SUPT3H: variants seen among roughly 807,000 people sequenced by gnomAD.
SUPT3H encodes SPT3 homolog, SAGA and STAGA complex component.
A neutral mutation model predicts 44.3 loss-of-function variants in SUPT3H; 44 were observed. The ratio of observed to expected loss-of-function variants is 0.99; its 90% CI spans 0.78 to 1.28. The LOEUF is 1.28. Ranked by LOEUF, SUPT3H falls within the 50% of genes most tolerant of loss-of-function variation. SUPT3H has a pLI of 0.00. For missense variants in SUPT3H, 380 were observed against 387.1 expected, an observed-to-expected ratio of 0.98 and a Z score of 0.15; for synonymous variants, 124 against 125.6, an observed-to-expected ratio of 0.99 and a Z score of 0.09.
chr6:44,954,366 T>C (rs1162394407), intron 8 of SUPT3H, 129 bp downstream of exon 8: 33 of 738,286 alleles, frequency 4.5e-5, no homozygotes, highest in Non-Finnish European at 2.4e-6. Flanking sequence ...GAAAATGATG[T>C]AAATGCCACA....
intron 2 of SUPT3H, among the ~76,000 whole-genome samples, chr6:45,132,507 C>T (rs929524530): frequency 2.6e-5 from 4 of 152,080 alleles, no homozygotes; most frequent in Non-Finnish European, 5.9e-5. Flanking sequence ...TATCTTTGAC[C>T]ACTAGACCTT....
chr6:45,264,082 TGTG>T (rs1186302627), intron 2 of SUPT3H, among the ~76,000 whole-genome samples: 2 of 152,178 alleles, frequency 1.3e-5, no homozygotes, highest in African/African-American at 4.8e-5. Flanking sequence ...AGTCAAACAT[TGTG>T]GTGGTACACC....
At chr6:45,053,743 A>G (rs1286473578) in intron 3 of SUPT3H, among the ~76,000 whole-genome samples, 1 of 139,966 alleles carries the variant, frequency 7.1e-6, no homozygotes, top group Admixed American at 7.0e-5. Context: ...AAAAATACAA[A>G]AAAAAAAAAA....
At chr6:44,969,077 G>T (rs1009517517) in intron 6 of SUPT3H, among the ~76,000 whole-genome samples, 7 of 152,128 alleles carry the variant, frequency 4.6e-5, no homozygotes, top group African/African-American at 1.7e-4. Context: ...CCTCTGGGAA[G>T]TTTGTCCAGT....
intron 2 of SUPT3H, among the ~76,000 whole-genome samples, chr6:45,205,904 C>T (rs13220256): frequency 2.0e-5 from 3 of 152,100 alleles, no homozygotes; most frequent in Non-Finnish European, 4.4e-5. Flanking sequence ...CAGCTCACTG[C>T]CTTTTTCTTA....
At chr6:45,099,953 C>G (rs1367864976) in intron 3 of SUPT3H, among the ~76,000 whole-genome samples, 2 of 152,140 alleles carry the variant, frequency 1.3e-5, no homozygotes, top group East Asian at 3.9e-4. Context: ...TCCCACATAT[C>G]AGAACAAAGA....
intron 2 of SUPT3H, among the ~76,000 whole-genome samples, chr6:45,142,874 C>T (rs574595719): frequency 1.3e-5 from 2 of 150,052 alleles, no homozygotes; most frequent in South Asian, 2.1e-4. Flanking sequence ...AGATATTTCA[C>T]GCAAATGGAA....
intron 2 of SUPT3H, among the ~76,000 whole-genome samples, chr6:45,319,530 CT>C (rs1317700969): frequency 3.9e-5 from 6 of 152,066 alleles, no homozygotes; most frequent in Admixed American, 6.6e-5. Flanking sequence ...GGCTAAAGAT[CT>C]GAAATTCAGA....
chr6:45,032,099 T>C (rs538218276), intron 3 of SUPT3H, among the ~76,000 whole-genome samples: 50 of 152,330 alleles, frequency 3.3e-4, no homozygotes, highest in African/African-American at 9.6e-4. Context: ...TTTCATCATA[T>C]GATGAACAGA....
intron 2 of SUPT3H, among the ~76,000 whole-genome samples, chr6:45,237,483 C>T (rs1293946936): frequency 1.3e-5 from 2 of 152,128 alleles, no homozygotes; most frequent in Non-Finnish European, 1.5e-5. Context: ...AGCAATTGTA[C>T]AGCCCTCAAA....
chr6:45,196,949 T>C (rs1336967829), intron 2 of SUPT3H, among the ~76,000 whole-genome samples: 3 of 151,610 alleles, frequency 2.0e-5, no homozygotes, highest in Non-Finnish European at 4.4e-5. Context: ...TTACCATCTC[T>C]TCCTTGGTAA....
At chr6:45,073,775 C>T (rs1033519815) in intron 3 of SUPT3H, among the ~76,000 whole-genome samples, 1 of 151,906 alleles carries the variant, frequency 6.6e-6, no homozygotes, top group Admixed American at 6.6e-5. Context: ...TCTTTACTAT[C>T]AGCTATGAAA....
At chr6:44,959,902 T>C (rs1164749917) in intron 7 of SUPT3H, among the ~76,000 whole-genome samples, 1 of 152,166 alleles carries the variant, frequency 6.6e-6, no homozygotes, top group Non-Finnish European at 1.5e-5. Flanking sequence ...AGTGCAGGAA[T>C]AGCTTCTGAA....
rs951894354 is a variant in SUPT3H at position 45,359,561 on chromosome 6, TAAATATTC to T, written c.101+5632_101+5639del. On this transcript the variant is annotated intron_variant, in intron 2 of 10. Transcript: ENST00000371459. The stretch of plus-strand genomic sequence containing the variant: ...AAAACACAAAAGTAGGATAGACATT[TAAATATTC>T]AAATAATATGGCCACATTTGTATCC... 5.6e-4 allele frequency among the ~76,000 whole-genome samples: 85 copies of T among 152,298 alleles called. No homozygotes were observed. In the Middle Eastern group the frequency reaches 0.01, roughly 18 times the overall value.
intron 10 of SUPT3H, among the ~76,000 whole-genome samples, chr6:44,891,121 A>G (rs1763249068): frequency 6.6e-6 from 1 of 152,162 alleles, no homozygotes; most frequent in Admixed American, 6.6e-5. Context: ...CAGAACTTAA[A>G]GTATAATAAT....
intron 2 of SUPT3H, among the ~76,000 whole-genome samples, chr6:45,281,190 G>A (rs552662476): frequency 1.3e-5 from 2 of 152,206 alleles, no homozygotes; most frequent in Non-Finnish European, 2.9e-5. Context: ...GGTGATTTCT[G>A]CATTTCCAAC....
rs1307151763 is a variant in SUPT3H, at chr6:45,177,825, C to G, written c.102-71819G>C. ...TTTCATATCCAGCCAAAGTAAGCTTCATAAGTGAAGGAGAAATAAAATCCT... is the reference window on the plus strand; with the variant it reads ...TTTCATATCCAGCCAAAGTAAGCTTGATAAGTGAAGGAGAAATAAAATCCT... On this transcript the variant is annotated intron_variant, in intron 2 of 10. Transcript: ENST00000371459. 2.0e-5 allele frequency among the ~76,000 whole-genome samples: 3 copies of G among 152,058 alleles called. No homozygotes were observed. The South Asian group carries it at 6.2e-4, about 32-fold the overall frequency.
At chr6:44,884,031 G>C (rs967109413) in intron 10 of SUPT3H, among the ~76,000 whole-genome samples, 5 of 152,126 alleles carry the variant, frequency 3.3e-5, no homozygotes, top group African/African-American at 1.2e-4. Flanking sequence ...TTAAACTAAA[G>C]AGCTTCTGCA....
rs1442833694 is a variant in SUPT3H, at chr6:45,095,398, C to T, written c.186+10524G>A. ...AGGACAGAACAGAGCTTTGCATGAA[C>T]TGCTTCTACCAGGGAAATTAAAAAG... On this transcript the variant is annotated intron_variant, in intron 3 of 10. Transcript: ENST00000371459. The surrounding 1 kb of genome is among the most constrained non-coding windows in gnomAD (Gnocchi z 4.1). Among the ~76,000 whole-genome samples, 1 of 152,124 alleles carries T rather than the reference C, an allele frequency of 6.6e-6. No homozygotes were observed. The highest frequency in any genetic ancestry group is 2.4e-5 in the African/African-American group (1 of 41,436).
Sources: gnomAD v4.1 joint callset for allele counts (sites outside exome capture counted in the v4.1 genomes callset) on GRCh38, gnomAD v4.1.1 for gene constraint, Gnocchi (gnomAD v3.1) non-coding constraint, MANE v1.5 for transcripts, NCBI Gene and HGNC (gene_info 2026-07-23, HGNC 2026-07-21) for gene names.